Variants in PRRX2 observed in about 807,000 individuals in gnomAD.
PRRX2 encodes paired mesoderm homeobox protein 2.
PRRX2 carries 11 observed loss-of-function variants against 18.0 expected under a neutral mutation model. That is an observed-to-expected ratio of 0.61 (90% CI 0.39 to 1.01). The LOEUF is 1.01. Ranked by LOEUF, PRRX2 falls within the 50% of genes least tolerant of loss-of-function variation. PRRX2 has a pLI of 0.01. For synonymous variants in PRRX2, 177 were observed against 154.8 expected (o/e 1.14, Z -1.06); for missense variants, 387 against 351.0 (o/e 1.10, Z -0.82).
intron 1 of PRRX2, among the ~76,000 whole-genome samples, chr9:129,690,700 G>A (rs1029872322): frequency 1.3e-5 from 2 of 151,750 alleles, no homozygotes; most frequent in East Asian, 2.0e-4. Context: ...TAGAGATGGG[G>A]TTTCACTATG....
chr9:129,722,457 G>A lies in PRRX2; in HGVS notation c.*105G>A, dbSNP rs1299422349. Reference sequence around the variant, plus strand: ...TCTCCTGGATGAGCTCTCCTGGCCCGTCTGTCCAGCCTGGACTCCCGAGCC... The same window carrying A: ...TCTCCTGGATGAGCTCTCCTGGCCCATCTGTCCAGCCTGGACTCCCGAGCC... On this transcript the variant is annotated 3_prime_UTR_variant, in exon 4 of 4. Transcript: ENST00000372469. 19 of 1,402,598 alleles carry A rather than the reference G, an allele frequency of 1.4e-5. 1 individual carries two copies. Among genetic ancestry groups the A allele is most frequent in the East Asian group, 1.0e-4 (4 of 39,396 alleles). 86.9% of individuals were successfully genotyped at this position (1,402,598 alleles called of 1,614,324 possible). A position where few individuals can be genotyped will look rare whatever the true frequency, so the allele number is the denominator to read the frequency against.
At chr9:129,693,884 T>C (rs1260459801) in intron 1 of PRRX2, among the ~76,000 whole-genome samples, 1 of 152,160 alleles carries the variant, frequency 6.6e-6, no homozygotes, top group Non-Finnish European at 1.5e-5. Context: ...AAAATGAGCG[T>C]GTCAAGGGAC....
rs530773145 is a variant in PRRX2 at position 129,722,231 on chromosome 9, A to G, written c.641A>G (p.Tyr214Cys). The G allele has an allele frequency of 6.2e-7, 1 of 1,613,750 alleles. No homozygotes were observed. The highest frequency in any genetic ancestry group is 2.2e-5 in the East Asian group (1 of 44,880). The change falls in exon 4 of 4, where the codon TAC becomes TGC. Residue 214 changes from tyrosine (Y) to cysteine (C), a missense_variant. Tyr to Cys is a radical substitution (Grantham distance 194). Coordinates refer to ENST00000372469, the MANE Select transcript of PRRX2 (RefSeq NM_016307.4). The stretch of plus-strand genomic sequence containing the variant: ...GTCGCCCCCAGCACAGTGCCACCCT[A>G]CAGCCCTGGGAGCTCAGGCCCCGCA... ...ASSPYSTVPP[Y>C]SPGSSGPATP...
At chr9:129,677,760 C>T (rs1832178966) in intron 1 of PRRX2, among the ~76,000 whole-genome samples, 2 of 152,216 alleles carry the variant, frequency 1.3e-5, no homozygotes, top group Non-Finnish European at 2.9e-5. Context: ...CACCACATCC[C>T]TGCGGGAGGA....
chr9:129,708,347 CTT>C (rs1304691722), intron 1 of PRRX2, among the ~76,000 whole-genome samples: 2 of 152,122 alleles, frequency 1.3e-5, no homozygotes, highest in African/African-American at 4.8e-5. Context: ...CGTTATCTGT[CTT>C]TTGATTCTAA....
chr9:129,712,321 CAAAT>C (rs1832634460), intron 1 of PRRX2, among the ~76,000 whole-genome samples: 2 of 152,192 alleles, frequency 1.3e-5, no homozygotes. Flanking sequence ...GAAGCAAAAA[CAAAT>C]AGAGTGTGTC....
intron 1 of PRRX2, among the ~76,000 whole-genome samples, chr9:129,692,538 T>TC (rs1429054308): frequency 6.6e-6 from 1 of 152,160 alleles, no homozygotes; most frequent in Non-Finnish European, 1.5e-5. Context: ...GCCCTAACAG[T>TC]CCCCCGGGTT....
At chr9:129,679,745 G>A (rs1276353758) in intron 1 of PRRX2, among the ~76,000 whole-genome samples, 2 of 152,228 alleles carry the variant, frequency 1.3e-5, no homozygotes, top group Admixed American at 6.5e-5. Context: ...CCCTGGCCCA[G>A]GCAGGCGGGC....
At chr9:129,689,909 C>T (rs921653663) in intron 1 of PRRX2, among the ~76,000 whole-genome samples, 2 of 151,744 alleles carry the variant, frequency 1.3e-5, no homozygotes, top group Non-Finnish European at 2.9e-5. Flanking sequence ...CGCGCCATCA[C>T]GCCTGGCTAT....
chr9:129,680,003 A>G (rs1295327232), intron 1 of PRRX2, among the ~76,000 whole-genome samples: 1 of 152,104 alleles, frequency 6.6e-6, no homozygotes, highest in African/African-American at 2.4e-5. Flanking sequence ...CTGCAAAATG[A>G]TCATCATAAT....
chr9:129,696,231 A>T (rs1451279937), intron 1 of PRRX2, among the ~76,000 whole-genome samples: 3 of 152,150 alleles, frequency 2.0e-5, no homozygotes, highest in African/African-American at 7.2e-5. Context: ...CCCCCTTTTC[A>T]AAACGAAAAC....
chr9:129,703,464 T>G (rs966858163), intron 1 of PRRX2, among the ~76,000 whole-genome samples: 8 of 152,096 alleles, frequency 5.3e-5, no homozygotes, highest in African/African-American at 1.9e-4. Flanking sequence ...GCAGCTTTCA[T>G]CCAGATACCA....
At chr9:129,690,856 A>G (rs1832352172) in intron 1 of PRRX2, among the ~76,000 whole-genome samples, 1 of 151,668 alleles carries the variant, frequency 6.6e-6, no homozygotes. Context: ...GGCCATCTCC[A>G]ACAAAACACA....
At chr9:129,702,295 G>A (rs1832508137) in intron 1 of PRRX2, among the ~76,000 whole-genome samples, 1 of 151,984 alleles carries the variant, frequency 6.6e-6, no homozygotes, top group Admixed American at 6.6e-5. Flanking sequence ...CTACTCGGGA[G>A]GCTGAGGCAG....
rs59003962 is a variant in PRRX2, at chr9:129,691,170, C to CAA, written c.259+25060_259+25061dup. 1.6e-3 allele frequency among the ~76,000 whole-genome samples: 157 copies of CAA among 101,286 alleles called. 1 individual carries two copies. Among genetic ancestry groups the CAA allele is most frequent in the African/African-American group, 3.6e-3 (111 of 30,990 alleles). The allele number at this position is 101,286 out of a possible 152,430, so 66.4% of individuals were successfully genotyped here. On this transcript the variant is annotated intron_variant, in intron 1 of 3. Transcript: ENST00000372469. ...TGAAACCCTGTCTCTGCTAAATATA[C>CAA]AAAAAAAAAAAAAAAAATTAGACAC...
intron 1 of PRRX2, among the ~76,000 whole-genome samples, chr9:129,698,510 A>T (rs2130923051): frequency 6.6e-6 from 1 of 152,178 alleles, no homozygotes; most frequent in Admixed American, 6.5e-5. Context: ...TTTTCCCGCC[A>T]CGCCTGCCTT....
At chr9:129,673,426 C>CA in intron 1 of PRRX2, among the ~76,000 whole-genome samples, 2 of 152,152 alleles carry the variant, frequency 1.3e-5, no homozygotes, top group African/African-American at 2.4e-5. Flanking sequence ...CACTGCACTC[C>CA]AGCCTGGGCA....
At chr9:129,689,950 A>G (rs1251880484) in intron 1 of PRRX2, among the ~76,000 whole-genome samples, 2 of 151,466 alleles carry the variant, frequency 1.3e-5, no homozygotes, top group African/African-American at 4.9e-5. Context: ...ACGGGGTTTC[A>G]CCGTGTTGGC....
chr9:129,717,790 C>T (rs1336613871), intron 1 of PRRX2, among the ~76,000 whole-genome samples: 2 of 151,668 alleles, frequency 1.3e-5, no homozygotes, highest in East Asian at 3.9e-4. Context: ...TTATACCCAT[C>T]TGTGTTGTTT....
Sources: allele counts gnomAD v4.1 joint callset (sites outside exome capture counted in the v4.1 genomes callset), GRCh38; gene constraint gnomAD v4.1.1; transcripts MANE v1.5; gene names NCBI Gene and HGNC (gene_info 2026-07-23, HGNC 2026-07-21).